SUGCT: variants seen among roughly 807,000 people sequenced by gnomAD.
SUGCT encodes the protein succinyl-CoA:glutarate-CoA transferase, also known as succinyl-CoA:glutarate CoA-transferase.
SUGCT carries 41 observed loss-of-function variants against 55.0 expected under a neutral mutation model. The ratio of observed to expected loss-of-function variants is 0.74; its 90% CI spans 0.58 to 0.97. The LOEUF is 0.97. Ranked by LOEUF, SUGCT falls within the 50% of genes least tolerant of loss-of-function variation. The pLI, the probability that SUGCT is intolerant of heterozygous loss-of-function variation, is 0.00. For synonymous variants in SUGCT, 187 were observed against 200.4 expected (o/e 0.93, Z 0.56); for missense variants, 568 against 547.8 (o/e 1.04, Z -0.37).
At chr7:40,499,260 A>G (rs1474383373) in intron 12 of SUGCT, 1 of 312,070 alleles carries the variant, frequency 3.2e-6, no homozygotes, top group Non-Finnish European at 6.6e-6. Flanking sequence ...AACAACAACA[A>G]CAAAAGCCAG....
At chr7:40,149,914 TG>T (rs1788463125) in intron 1 of SUGCT, among the ~76,000 whole-genome samples, 1 of 151,886 alleles carries the variant, frequency 6.6e-6, no homozygotes, top group African/African-American at 2.4e-5. Flanking sequence ...AGCAAAATTC[TG>T]TCTCAAAACA....
chr7:40,625,099 A>G (rs901861489), intron 12 of SUGCT, among the ~76,000 whole-genome samples: 2 of 152,116 alleles, frequency 1.3e-5, no homozygotes, highest in Non-Finnish European at 2.9e-5. Context: ...ATCTCCTAAA[A>G]GGTTCCAATG....
At chr7:40,464,461 A>G (rs1203159192) in intron 11 of SUGCT, among the ~76,000 whole-genome samples, 1 of 152,194 alleles carries the variant, frequency 6.6e-6, no homozygotes, top group East Asian at 1.9e-4. Context: ...GACAAACAGA[A>G]TTAGGCAGGT....
chr7:41,013,310 T>C, the SUGCT span, among the ~76,000 whole-genome samples: 5 of 152,228 alleles, frequency 3.3e-5, no homozygotes, highest in Admixed American at 3.3e-4. Context: ...TTCTTCTTAG[T>C]ACATCATGTA....
chr7:40,372,578 G>C (rs1784344847), intron 9 of SUGCT, among the ~76,000 whole-genome samples: 1 of 151,894 alleles, frequency 6.6e-6, no homozygotes. Context: ...TACTCCTGTA[G>C]GCTATAGATT....
At chr7:40,463,092 C>T (rs983006119) in intron 11 of SUGCT, among the ~76,000 whole-genome samples, 2 of 152,120 alleles carry the variant, frequency 1.3e-5, no homozygotes, top group African/African-American at 2.4e-5. Flanking sequence ...GTGAGTCTAT[C>T]GTGTTTTTGC....
chr7:40,357,813 A>AT (rs1327837994), intron 9 of SUGCT, among the ~76,000 whole-genome samples: 14 of 149,444 alleles, frequency 9.4e-5, no homozygotes, highest in African/African-American at 3.5e-4. Context: ...TTTAAAAATG[A>AT]TTTTTTTAAC....
At chr7:40,230,897 T>C (rs1461778211) in intron 6 of SUGCT, among the ~76,000 whole-genome samples, 1 of 152,236 alleles carries the variant, frequency 6.6e-6, no homozygotes, top group African/African-American at 2.4e-5. Context: ...CCTTTCCATG[T>C]CTCAGTTATA....
In SUGCT at chr7:40,449,316, A is replaced by G; in HGVS notation, c.846A>G (p.Val282=). The change falls in exon 10 of 14, where the codon GTA becomes GTG. Residue 282 remains valine, a synonymous_variant. Coordinates refer to ENST00000335693, the MANE Select transcript of SUGCT (RefSeq NM_001193313.2). ...QAFKTKDGYI[V]VGAGNNQQFA... is the part of the protein sequence containing the mutation. ...TTAAAACCAAGGATGGCTATATTGT[A>G]GTTGGAGCAGGAAATAACCAGCAGT... 2 of 1,612,270 alleles carry G rather than the reference A, an allele frequency of 1.2e-6. No homozygotes were observed. The highest frequency in any genetic ancestry group is 1.7e-6 in the Non-Finnish European group (2 of 1,178,694).
chr7:40,720,596 G>T (rs1169102108), intron 12 of SUGCT, among the ~76,000 whole-genome samples: 2 of 152,152 alleles, frequency 1.3e-5, no homozygotes, highest in African/African-American at 4.8e-5. Flanking sequence ...GTATTAGTCA[G>T]ACTCTTTCCA....
the SUGCT span, among the ~76,000 whole-genome samples, chr7:41,038,077 C>A: frequency 1.3e-5 from 2 of 152,058 alleles, no homozygotes; most frequent in Non-Finnish European, 2.9e-5. Flanking sequence ...CCAAGAAAGT[C>A]TTGAAATGGA....
At chr7:40,355,368 A>G (rs549650321) in intron 9 of SUGCT, among the ~76,000 whole-genome samples, 1 of 152,350 alleles carries the variant, frequency 6.6e-6, no homozygotes, top group African/African-American at 2.4e-5. Context: ...ATCAAAACCT[A>G]TGACAATTTC....
intron 8 of SUGCT, among the ~76,000 whole-genome samples, chr7:40,314,559 CTTTTTTTTTT>C (rs1292941632): frequency 7.4e-5 from 8 of 108,730 alleles, no homozygotes; most frequent in Non-Finnish European, 1.1e-4. Flanking sequence ...TCCCTTGTGT[CTTTTTTTTTT>C]TTTTTTTTTT....
At chr7:40,135,186 C>G in intron 1 of SUGCT, 66 bp downstream of exon 1, 2 of 1,490,742 alleles carry the variant, frequency 1.3e-6, no homozygotes. Context: ...CCTCGGGCGC[C>G]CTGAGGAGAG....
At chr7:40,566,967 G>A (rs948253479) in intron 12 of SUGCT, among the ~76,000 whole-genome samples, 1 of 152,156 alleles carries the variant, frequency 6.6e-6, no homozygotes, top group African/African-American at 2.4e-5. Context: ...TGGCACTGTT[G>A]CAGGCAACTA....
chr7:40,666,419 GTTTTTTTT>G (rs70990637), intron 12 of SUGCT, among the ~76,000 whole-genome samples: 6 of 72,234 alleles, frequency 8.3e-5, no homozygotes, highest in Admixed American at 5.0e-4. Flanking sequence ...TTATAGGTTA[GTTTTTTTT>G]TTTTTTTTTT....
At chr7:40,958,281 G>T in the SUGCT span, among the ~76,000 whole-genome samples, 3 of 152,104 alleles carry the variant, frequency 2.0e-5, no homozygotes, top group East Asian at 5.8e-4. Context: ...CATTCTCCCT[G>T]TCACTTTCAG....
intron 6 of SUGCT, among the ~76,000 whole-genome samples, chr7:40,220,412 G>C (rs568333379): frequency 6.6e-6 from 1 of 152,310 alleles, no homozygotes; most frequent in Non-Finnish European, 1.5e-5. Context: ...TATATCAGGA[G>C]GAAAGTTGTT....
chr7:40,921,255 A>G, the SUGCT span, among the ~76,000 whole-genome samples: 2 of 152,116 alleles, frequency 1.3e-5, no homozygotes, highest in Non-Finnish European at 2.9e-5. Context: ...ACAAAATAAT[A>G]TATTATTTGG....
Sources: gnomAD v4.1 joint callset for allele counts (sites outside exome capture counted in the v4.1 genomes callset) on GRCh38, gnomAD v4.1.1 for gene constraint, MANE v1.5 for transcripts, NCBI Gene and HGNC (gene_info 2026-07-23, HGNC 2026-07-21) for gene names.